The following MAGI2 variants were observed in gnomAD, a reference collection of about 807,000 sequenced individuals.
MAGI2 encodes membrane associated guanylate kinase, WW and PDZ domain containing 2, also known as membrane-associated guanylate kinase, WW and PDZ domain-containing protein 2.
Under a neutral mutation model 133.3 loss-of-function variants are expected in MAGI2, and 35 were observed. The ratio of observed to expected loss-of-function variants is 0.26; its 90% CI spans 0.20 to 0.35. MAGI2 has a LOEUF of 0.35. Among genes scored for constraint, MAGI2 ranks in the 10% least tolerant of loss-of-function variants. The pLI, the probability that MAGI2 is intolerant of heterozygous loss-of-function variation, is 1.00. For missense variants in MAGI2, 1,636 were observed against 1,863.4 expected (o/e 0.88, Z 2.25); for synonymous variants, 729 against 710.6 (o/e 1.03, Z -0.41).
chr7:78,393,003 A>T (rs1796034931), intron 6 of MAGI2, among the ~76,000 whole-genome samples: 1 of 152,066 alleles, frequency 6.6e-6, no homozygotes, highest in Non-Finnish European at 1.5e-5. Context: ...GCACATATCC[A>T]TGTCCAGGAC....
intron 1 of MAGI2, among the ~76,000 whole-genome samples, chr7:79,282,962 C>T (rs773487559): frequency 6.6e-6 from 1 of 152,080 alleles, no homozygotes; most frequent in African/African-American, 2.4e-5. Flanking sequence ...TTCTAGGTTA[C>T]TGCACTCTAA....
intron 2 of MAGI2, among the ~76,000 whole-genome samples, chr7:78,814,148 G>C (rs1789346362): frequency 6.6e-6 from 1 of 152,018 alleles, no homozygotes; most frequent in Admixed American, 6.6e-5. Context: ...AGTGAGTTTG[G>C]TAATGTCATA....
intron 2 of MAGI2, among the ~76,000 whole-genome samples, chr7:78,797,523 G>A (rs1480715869): frequency 6.6e-6 from 1 of 152,008 alleles, no homozygotes; most frequent in Non-Finnish European, 1.5e-5. Context: ...TCTTTATTAT[G>A]TGAATGAATT....
At chr7:78,272,636 C>A (rs1348423816) in intron 9 of MAGI2, among the ~76,000 whole-genome samples, 1 of 152,164 alleles carries the variant, frequency 6.6e-6, no homozygotes, top group African/African-American at 2.4e-5. Context: ...GTATCGGGTG[C>A]ACATATATTT....
At chr7:78,160,970 A>G (rs1824912550) in intron 15 of MAGI2, among the ~76,000 whole-genome samples, 1 of 152,250 alleles carries the variant, frequency 6.6e-6, no homozygotes, top group African/African-American at 2.4e-5. Flanking sequence ...CTTTTTGTAT[A>G]TCAGCCATAT....
chr7:79,309,589 C>G (rs1023263641), intron 1 of MAGI2, among the ~76,000 whole-genome samples: 1 of 151,852 alleles, frequency 6.6e-6, no homozygotes, highest in African/African-American at 2.4e-5. Context: ...GAACGCTGAA[C>G]AATCTAGTAA....
At chr7:78,374,424 C>G (rs2361381) in intron 6 of MAGI2, among the ~76,000 whole-genome samples, 124,315 of 152,066 alleles carry the variant, frequency 0.82, 50,928 homozygotes, top group Admixed American at 0.85. Context: ...TTTTTTGCTT[C>G]TTCAATTAAG....
intron 15 of MAGI2, among the ~76,000 whole-genome samples, chr7:78,161,417 A>G (rs1370828614): frequency 7.9e-5 from 12 of 152,160 alleles, no homozygotes; most frequent in Admixed American, 7.2e-4. Context: ...TGATTAGTGT[A>G]CTCAAAAGAT....
intron 1 of MAGI2, among the ~76,000 whole-genome samples, chr7:79,423,583 A>C (rs1274333246): frequency 1.3e-5 from 2 of 152,106 alleles, no homozygotes; most frequent in African/African-American, 4.8e-5. Context: ...AATAATTAAA[A>C]AATTATTTTA....
At chr7:79,428,629 A>G (rs1358466072) in intron 1 of MAGI2, among the ~76,000 whole-genome samples, 2 of 152,224 alleles carry the variant, frequency 1.3e-5, no homozygotes, top group African/African-American at 4.8e-5. Context: ...AATTTCAAAA[A>G]TTATTATAAT....
chr7:78,516,930 G>C (rs1192184516), intron 4 of MAGI2, among the ~76,000 whole-genome samples: 1 of 152,188 alleles, frequency 6.6e-6, no homozygotes, highest in Non-Finnish European at 1.5e-5. Context: ...ATCAGGTAAA[G>C]GGCTTTGTGA....
intron 1 of MAGI2, among the ~76,000 whole-genome samples, chr7:79,270,380 A>G (rs1350324350): frequency 1.1e-5 from 1 of 92,930 alleles, no homozygotes; most frequent in African/African-American, 2.9e-5. Flanking sequence ...TTGGGTGATT[A>G]CATATTCACC....
chr7:79,270,146 C>T (rs796719958), intron 1 of MAGI2, among the ~76,000 whole-genome samples: 99 of 152,250 alleles, frequency 6.5e-4, no homozygotes, highest in African/African-American at 2.2e-3. Flanking sequence ...CCATTTTCCA[C>T]ATCTTTATGA....
chr7:78,357,302 G>A (rs908587144), intron 7 of MAGI2, among the ~76,000 whole-genome samples: 7 of 152,140 alleles, frequency 4.6e-5, no homozygotes, highest in Admixed American at 2.0e-4. Flanking sequence ...GATTAAATGA[G>A]TTTTACAAAA....
At chr7:79,158,596 C>T (rs978130259) in intron 1 of MAGI2, among the ~76,000 whole-genome samples, 2 of 152,016 alleles carry the variant, frequency 1.3e-5, no homozygotes, top group African/African-American at 4.8e-5. Context: ...ATAATCTTAG[C>T]TTTCGTATGC....
At chr7:78,441,961 T>C (rs1023547231) in intron 6 of MAGI2, among the ~76,000 whole-genome samples, 2 of 152,110 alleles carry the variant, frequency 1.3e-5, no homozygotes, top group African/African-American at 4.8e-5. Flanking sequence ...GTAATTCAGC[T>C]CTCTCCAGCT....
chr7:79,397,954 T>A (rs1480436443), intron 1 of MAGI2, among the ~76,000 whole-genome samples: 2 of 152,194 alleles, frequency 1.3e-5, no homozygotes, highest in African/African-American at 4.8e-5. Context: ...CTCCCTAATA[T>A]ATTTCCTTGT....
intron 2 of MAGI2, among the ~76,000 whole-genome samples, chr7:78,991,669 G>A (rs996388863): frequency 6.6e-6 from 1 of 151,144 alleles, no homozygotes; most frequent in Non-Finnish European, 1.5e-5. Flanking sequence ...GGCTTTTTGG[G>A]AACACAGGTA....
At chr7:79,038,245 G>C (rs1358307225) in intron 1 of MAGI2, among the ~76,000 whole-genome samples, 2 of 152,116 alleles carry the variant, frequency 1.3e-5, no homozygotes, top group Non-Finnish European at 2.9e-5. Context: ...GTAAAATGTT[G>C]TCTCCATTTA....
Sources: gnomAD v4.1 joint callset for allele counts (sites outside exome capture counted in the v4.1 genomes callset) on GRCh38, gnomAD v4.1.1 for gene constraint, MANE v1.5 for transcripts, NCBI Gene and HGNC (gene_info 2026-07-23, HGNC 2026-07-21) for gene names.